OASL: variants seen among roughly 807,000 people sequenced by gnomAD.
OASL encodes the protein 2'-5'-oligoadenylate synthase-like protein.
In OASL, 28 loss-of-function variants were observed where a neutral mutation model predicts 35.3. That is an observed-to-expected ratio of 0.79 (90% CI 0.59 to 1.09). The LOEUF (loss-of-function observed/expected upper bound fraction) is 1.09. Ranked by LOEUF, OASL falls within the 50% of genes least tolerant of loss-of-function variation. OASL has a pLI of 0.00. For missense variants in OASL, 620 were observed against 635.2 expected (o/e 0.98, Z 0.26); for synonymous variants, 252 against 254.6 (o/e 0.99, Z 0.10).
intron 3 of OASL, among the ~76,000 whole-genome samples, chr12:121,030,860 G>T (rs1035419656): frequency 1.3e-5 from 2 of 152,154 alleles, no homozygotes; most frequent in Admixed American, 6.5e-5. Context: ...TGTGGGGTGG[G>T]TGTGGTGGCT....
At chr12:121,026,869 G>T (rs985984107) in intron 4 of OASL, among the ~76,000 whole-genome samples, 1 of 150,150 alleles carries the variant, frequency 6.7e-6, no homozygotes, top group African/African-American at 2.4e-5. Context: ...AAAAAAAAAA[G>T]TTACGCAATG....
chr12:121,018,869 CA>C (rs1158102389), downstream of OASL, among the ~76,000 whole-genome samples: 1,920 of 55,282 alleles, frequency 0.035, 16 homozygotes, highest in African/African-American at 0.081. Flanking sequence ...GACTCCATCT[CA>C]AAAAAAAAAA....
exon 6 of OASL, chr12:121,020,355 G>C: frequency 1.9e-6 from 1 of 532,640 alleles, no homozygotes; most frequent in Non-Finnish European, 3.3e-6. Context: ...GGCTGGTCTT[G>C]AACTCCTCGG....
intron 3 of OASL, among the ~76,000 whole-genome samples, chr12:121,030,422 T>G (rs928806127): frequency 6.6e-6 from 1 of 152,158 alleles, no homozygotes; most frequent in African/African-American, 2.4e-5. Flanking sequence ...GCCAGGATGG[T>G]CTCGATCTCC....
chr12:121,024,417 G>A (rs1869393467), intron 4 of OASL, among the ~76,000 whole-genome samples: 1 of 152,134 alleles, frequency 6.6e-6, no homozygotes, highest in Non-Finnish European at 1.5e-5. Context: ...AGGAGTTCAA[G>A]ACCAGCCTGG....
rs912417870 is a variant in OASL at position 121,033,767 on chromosome 12, C to T, written c.199-24G>A. 9.4e-6 allele frequency: 15 copies of T among 1,603,720 alleles called. No homozygotes were observed. In the African/African-American group the frequency reaches 2.0e-4, roughly 21 times the overall value. On this transcript the variant is annotated intron_variant, in intron 1 of 5. Coordinates refer to ENST00000257570, the Ensembl canonical transcript of OASL. The stretch of plus-strand genomic sequence containing the variant: ...ACCTGCAGAACACAGAGCCCCGTCA[C>T]CCTGAGGCCCACTGCCATGAGCCAG...
Position 121,020,955 on chromosome 12 carries a change from C to T in OASL, c.1151G>A (p.Arg384Gln), listed in dbSNP as rs756365167. The stretch of plus-strand genomic sequence containing the variant: ...CAGGCCAGAGTAGCCCCTGGTCCTC[C>T]GGATTTTCTCTTTAACCTTCCTTAT... Residue 384 changes from arginine (R) to glutamine (Q), a missense_variant, in exon 6 of 6, where the codon CGG becomes CAG. Arg to Gln is a conservative substitution (Grantham distance 43, BLOSUM62 1). Transcript: ENST00000257570. 2.3e-5 allele frequency: 37 copies of T among 1,614,016 alleles called. No individual in the cohort carries two copies. In the East Asian group the frequency reaches 4.0e-4, roughly 17 times the overall value.
At chr12:121,026,663 C>T (rs1869498802) in intron 4 of OASL, among the ~76,000 whole-genome samples, 1 of 152,082 alleles carries the variant, frequency 6.6e-6, no homozygotes, top group Non-Finnish European at 1.5e-5. Flanking sequence ...ACCAGCCTGG[C>T]CAACATGGCA....
chr12:121,029,539 T>C (rs534182854), intron 3 of OASL, among the ~76,000 whole-genome samples: 1 of 151,984 alleles, frequency 6.6e-6, no homozygotes, highest in Non-Finnish European at 1.5e-5. Context: ...ATATAAAAAA[T>C]TAGCTGTGCA....
chr12:121,038,326 C>G (rs530064215), intron 1 of OASL, among the ~76,000 whole-genome samples: 46 of 152,304 alleles, frequency 3.0e-4, no homozygotes, highest in African/African-American at 9.4e-4. Flanking sequence ...ACTACTGTTA[C>G]ACCTAACAAA....
Position 121,027,699 on chromosome 12 carries a change from C to A in OASL, c.776G>T (p.Gly259Val), listed in dbSNP as rs540046843. Residue 259 changes from glycine (G) to valine (V), a missense_variant, in exon 4 of 6, where the codon GGC becomes GTC. Physicochemically the swap from Gly to Val is moderately radical, Grantham distance 109. Coordinates refer to ENST00000257570, the Ensembl canonical transcript of OASL. ...GAGCAGGTCCATCACAGTGGTGAAG[C>A]CTTCGTCCAACATGAAATTCTCGTC... is the stretch of plus-strand genomic sequence containing the variant. The A allele has an allele frequency of 1.1e-4, 184 of 1,614,130 alleles. 3 individuals are homozygous for A. In the South Asian group the frequency reaches 1.7e-3, roughly 15 times the overall value.
At chr12:121,031,010 T>C (rs891628418) in intron 3 of OASL, among the ~76,000 whole-genome samples, 2 of 152,028 alleles carry the variant, frequency 1.3e-5, no homozygotes, top group African/African-American at 4.8e-5. Context: ...TGGTTGTGCA[T>C]GCCTGTAGTC....
chr12:121,038,206 G>A (rs1339858522), intron 1 of OASL, among the ~76,000 whole-genome samples: 1 of 152,096 alleles, frequency 6.6e-6, no homozygotes, highest in African/African-American at 2.4e-5. Flanking sequence ...CTGGCTACAT[G>A]TGCTTAATCT....
intron 1 of OASL, among the ~76,000 whole-genome samples, chr12:121,034,864 CA>C (rs1869886757): frequency 6.6e-6 from 1 of 152,164 alleles, no homozygotes; most frequent in Admixed American, 6.5e-5. Flanking sequence ...CTGACTTAGA[CA>C]ATCTCTTCTG....
intron 2 of OASL, among the ~76,000 whole-genome samples, chr12:121,032,434 C>T (rs1448201251): frequency 6.6e-6 from 1 of 152,076 alleles, no homozygotes; most frequent in Non-Finnish European, 1.5e-5. Context: ...AGGACTCTGC[C>T]CGAGGACAAA....
exon 4 of OASL, chr12:121,027,817 A>G: frequency 6.2e-7 from 1 of 1,611,950 alleles, no homozygotes; most frequent in East Asian, 2.2e-5. Flanking sequence ...GCTTTCACAT[A>G]CTGTTGAAAG....
At chr12:121,034,270 A>C (rs372332119) in intron 1 of OASL, among the ~76,000 whole-genome samples, 21 of 151,352 alleles carry the variant, frequency 1.4e-4, no homozygotes, top group East Asian at 5.8e-4. Flanking sequence ...TGGCTCAAGC[A>C]ATCCTCCCAC....
At chr12:121,033,872 A>C in intron 1 of OASL, 129 bp from the exon 2 acceptor site, 18 of 893,970 alleles carry the variant, frequency 2.0e-5, no homozygotes, top group Non-Finnish European at 2.6e-5. Flanking sequence ...GGTAGTACTA[A>C]TACCCACACT....
intron 4 of OASL, among the ~76,000 whole-genome samples, chr12:121,025,057 C>CA (rs1022979275): frequency 7.1e-5 from 10 of 140,746 alleles, no homozygotes; most frequent in Non-Finnish European, 1.4e-4. Context: ...CGGCTCACTG[C>CA]AACTTCCACC....
Sources: allele counts gnomAD v4.1 joint callset (sites outside exome capture counted in the v4.1 genomes callset), GRCh38; gene constraint gnomAD v4.1.1; transcripts MANE v1.5; gene names NCBI Gene and HGNC (gene_info 2026-07-23, HGNC 2026-07-21).